The following HACE1 variants were observed in gnomAD, a reference collection of about 807,000 sequenced individuals.
The protein encoded by HACE1 is HECT domain and ankyrin repeat containing E3 ubiquitin protein ligase 1.
Under a neutral mutation model 118.4 loss-of-function variants are expected in HACE1, and 73 were observed. The ratio of observed to expected loss-of-function variants is 0.62; its 90% confidence interval spans 0.51 to 0.75. HACE1 has a LOEUF of 0.75. Ranked by LOEUF, HACE1 falls within the 30% of genes least tolerant of loss-of-function variation. HACE1 has a pLI of 0.00. For synonymous variants in HACE1, 368 were observed against 374.8 expected (o/e 0.98, Z 0.21); for missense variants, 749 against 1,102.2 (o/e 0.68, Z 4.54).
At chr6:104,760,606 A>C (rs574497415) in intron 19 of HACE1, among the ~76,000 whole-genome samples, 2 of 152,346 alleles carry the variant, frequency 1.3e-5, no homozygotes, top group East Asian at 3.9e-4. Flanking sequence ...TAGGGAAAAA[A>C]ACGGGAAGCA....
chr6:104,832,898 C>CAAA, intron 6 of HACE1, 144 bp downstream of exon 6: 1 of 664,178 alleles, frequency 1.5e-6, no homozygotes. Flanking sequence ...GGCCCTGTCT[C>CAAA]AAAAAAAAAA....
chr6:104,852,321 G>A lies in HACE1; in HGVS notation c.127C>T (p.His43Tyr), dbSNP rs773750574. The A allele has an allele frequency of 1.2e-6, 2 of 1,609,332 alleles. No individual in the cohort carries two copies. Among genetic ancestry groups the A allele is most frequent in the Non-Finnish European group, 1.7e-6 (2 of 1,175,860 alleles). ...TLMPMVMADQ[H>Y]RSVSELLSNS... is the part of the protein sequence containing the mutation. ...ATTTTTGGAACAAGCACTCACCTGT[G>A]TTGATCAGCCATAACCATTGGCATT... Residue 43 changes from histidine (H) to tyrosine (Y), a missense_variant, in exon 2 of 24, where the codon CAC becomes TAC. This residue lies in a region of HACE1 where 120 missense variants were observed against 219.1 expected (regional missense o/e 0.55). Transcript: ENST00000262903.
chr6:104,828,561 A>C (rs1405945775), intron 6 of HACE1, among the ~76,000 whole-genome samples: 1 of 152,020 alleles, frequency 6.6e-6, no homozygotes, highest in Admixed American at 6.5e-5. Flanking sequence ...ATTATTAAGA[A>C]GTTGTTATGA....
intron 6 of HACE1, among the ~76,000 whole-genome samples, chr6:104,816,053 A>C (rs1198731015): frequency 1.3e-5 from 2 of 150,924 alleles, no homozygotes; most frequent in Non-Finnish European, 2.9e-5. Context: ...AGCCTGGGCG[A>C]CAAGAGCAAA....
chr6:104,786,598 T>C (rs1457392271), intron 11 of HACE1: 7 of 136,562 alleles, frequency 5.1e-5, no homozygotes, highest in Non-Finnish European at 7.7e-5. Context: ...AGTGAGATAC[T>C]GTCTCCAAAA....
chr6:104,794,246 T>TA (rs747462598), intron 10 of HACE1, among the ~76,000 whole-genome samples: 49 of 152,180 alleles, frequency 3.2e-4, no homozygotes, highest in Admixed American at 1.3e-3. Context: ...GTGATGAAGG[T>TA]AAACTTAAAA....
intron 10 of HACE1, among the ~76,000 whole-genome samples, chr6:104,795,044 G>A (rs1468565044): frequency 6.6e-6 from 1 of 152,106 alleles, no homozygotes; most frequent in Non-Finnish European, 1.5e-5. Context: ...ATAGAAAGAA[G>A]TGTAGCTACA....
chr6:104,841,635 T>C (rs1201585156), intron 5 of HACE1, among the ~76,000 whole-genome samples: 1 of 152,204 alleles, frequency 6.6e-6, no homozygotes, highest in African/African-American at 2.4e-5. Flanking sequence ...AAGTTGTTTT[T>C]CTATACCTCA....
chr6:104,786,612 A>AC (rs1782434250), intron 11 of HACE1: 2 of 149,900 alleles, frequency 1.3e-5, no homozygotes, highest in South Asian at 2.1e-4. Flanking sequence ...TCCAAAAAAA[A>AC]AAAAAAAACA....
At chr6:104,821,444 C>T (rs1772703835) in intron 6 of HACE1, among the ~76,000 whole-genome samples, 1 of 151,996 alleles carries the variant, frequency 6.6e-6, no homozygotes, top group Non-Finnish European at 1.5e-5. Flanking sequence ...GCAATTAAAA[C>T]CTAACAATCC....
At chr6:104,856,489 C>A (rs1365431508) in intron 1 of HACE1, among the ~76,000 whole-genome samples, 1 of 151,742 alleles carries the variant, frequency 6.6e-6, no homozygotes, top group African/African-American at 2.4e-5. Flanking sequence ...GGCTGGAATG[C>A]AGTGGCGCGA....
Position 104,832,593 on chromosome 6 carries a change from C to T in HACE1, c.534+449G>A, listed in dbSNP as rs375124919. Among the ~76,000 whole-genome samples, 7 of 152,092 alleles carry T rather than the reference C, an allele frequency of 4.6e-5. No individual in the cohort carries two copies. In the South Asian group the frequency reaches 8.3e-4, roughly 18 times the overall value. Reference sequence around the variant, plus strand: ...TGTATTTTTAGTAGAGATGGGGTTTCGCCATGTTGCCCAGGCTGAACTCCT... The same window carrying T: ...TGTATTTTTAGTAGAGATGGGGTTTTGCCATGTTGCCCAGGCTGAACTCCT... On this transcript the variant is annotated intron_variant, in intron 6 of 23. Coordinates refer to ENST00000262903, the MANE Select transcript of HACE1 (RefSeq NM_020771.4).
At chr6:104,740,972 G>C (rs1329081374) in intron 22 of HACE1, among the ~76,000 whole-genome samples, 5 of 130,810 alleles carry the variant, frequency 3.8e-5, no homozygotes, top group African/African-American at 1.6e-4. Flanking sequence ...ATGATCAAGT[G>C]GGCTTCATCC....
intron 6 of HACE1, among the ~76,000 whole-genome samples, chr6:104,832,093 AG>A (rs1260874712): frequency 6.6e-6 from 1 of 152,178 alleles, no homozygotes; most frequent in African/African-American, 2.4e-5. Context: ...CAATGCAAGT[AG>A]AAAAATAGGA....
chr6:104,808,428 CACAA>C (rs538134139), intron 7 of HACE1, among the ~76,000 whole-genome samples: 25 of 152,268 alleles, frequency 1.6e-4, no homozygotes, highest in African/African-American at 5.5e-4. Context: ...ACTTCCATTT[CACAA>C]ACAAACAAAG....
intron 19 of HACE1, among the ~76,000 whole-genome samples, chr6:104,750,824 T>C (rs1777960181): frequency 6.6e-6 from 1 of 152,204 alleles, no homozygotes; most frequent in South Asian, 2.1e-4. Flanking sequence ...CCTGTTTCCA[T>C]TTTTGCCCCT....
chr6:104,807,033 T>G (rs1322475439), intron 7 of HACE1, among the ~76,000 whole-genome samples: 1 of 150,718 alleles, frequency 6.6e-6, no homozygotes, highest in East Asian at 1.9e-4. Flanking sequence ...TTTTTTTTTT[T>G]TTTTTCTTGA....
chr6:104,836,697 A>G (rs1414854273), intron 5 of HACE1, among the ~76,000 whole-genome samples: 3 of 152,196 alleles, frequency 2.0e-5, no homozygotes, highest in Non-Finnish European at 4.4e-5. Context: ...TGGGTGACAG[A>G]GTGAGACTCT....
chr6:104,787,613 A>C (rs1782578616), intron 11 of HACE1, among the ~76,000 whole-genome samples: 1 of 152,214 alleles, frequency 6.6e-6, no homozygotes, highest in Non-Finnish European at 1.5e-5. Context: ...TAAATGAGAA[A>C]AGATAAAACC....
Sources: allele counts gnomAD v4.1 joint callset (sites outside exome capture counted in the v4.1 genomes callset), GRCh38; gene constraint gnomAD v4.1.1; regional missense constraint gnomAD v4.1.1; transcripts MANE v1.5; gene names NCBI Gene and HGNC (gene_info 2026-07-23, HGNC 2026-07-21).